The following ERC2 variants were observed in gnomAD, a reference collection of about 807,000 sequenced individuals.
ERC2 encodes ERC protein 2.
In ERC2, 42 loss-of-function variants were observed where a neutral mutation model predicts 114.8. The ratio of observed to expected loss-of-function variants is 0.37; its 90% CI spans 0.29 to 0.47. The LOEUF (loss-of-function observed/expected upper bound fraction) is 0.47, where lower values mean the gene tolerates loss of function less well. Among genes scored for constraint, ERC2 ranks in the 20% least tolerant of loss-of-function variants. ERC2 has a pLI of 0.99. For synonymous variants in ERC2, 454 were observed against 425.5 expected, an observed-to-expected ratio of 1.07 and a Z score of -0.82; for missense variants, 939 against 1,150.7, an observed-to-expected ratio of 0.82 and a Z score of 2.66.
At chr3:56,228,089 C>A (rs545425537) in intron 3 of ERC2, among the ~76,000 whole-genome samples, 1 of 152,194 alleles carries the variant, frequency 6.6e-6, no homozygotes, top group South Asian at 2.1e-4. Flanking sequence ...CTCGAGGAGA[C>A]AATACTGATG....
At position 55,797,441 on chromosome 3, in the gene ERC2, T is replaced by C. The variant is rs768054783; in HGVS notation, c.2565-62523A>G. Among the ~76,000 whole-genome samples the C allele has an allele frequency of 7.2e-5, 11 of 152,202 alleles. 1 individual carries two copies. Among genetic ancestry groups the C allele is most frequent in the South Asian group, 4.1e-4 (2 of 4,830 alleles). On this transcript the variant is annotated intron_variant, in intron 14 of 17. Transcript: ENST00000288221. ...AAGGAGCTAGGTGATCCTAGATTGA[T>C]AGCAGCTCCCTGCTCCCAGAAGAAG...
At chr3:56,387,537 C>T (rs1430298855) in intron 2 of ERC2, among the ~76,000 whole-genome samples, 1 of 152,070 alleles carries the variant, frequency 6.6e-6, no homozygotes, top group African/African-American at 2.4e-5. Flanking sequence ...CTATAAAACC[C>T]GGGATTAGGT....
chr3:56,231,876 AT>A (rs35075704), intron 3 of ERC2, among the ~76,000 whole-genome samples: 44,448 of 152,082 alleles, frequency 0.29, 8,295 homozygotes, highest in Middle Eastern at 0.42. Context: ...ATCATTCTAA[AT>A]AAATTAACTC....
intron 14 of ERC2, among the ~76,000 whole-genome samples, chr3:55,850,459 G>A (rs1156289956): frequency 6.6e-6 from 1 of 152,194 alleles, no homozygotes; most frequent in African/African-American, 2.4e-5. Flanking sequence ...TATAGAGGAA[G>A]AAGATAAAGA....
intron 17 of ERC2, among the ~76,000 whole-genome samples, chr3:55,680,729 G>A (rs777555411): frequency 2.0e-5 from 3 of 152,176 alleles, no homozygotes; most frequent in Admixed American, 6.5e-5. Flanking sequence ...AAGTGATCCC[G>A]TGGAGTCTCT....
chr3:56,462,306 T>C (rs1392213871), intron 1 of ERC2, among the ~76,000 whole-genome samples: 2 of 152,194 alleles, frequency 1.3e-5, no homozygotes, highest in Non-Finnish European at 2.9e-5. Context: ...CAGATGATCA[T>C]AGGTTAACAG....
At chr3:56,088,563 G>A (rs181931237) in intron 6 of ERC2, among the ~76,000 whole-genome samples, 112 of 152,052 alleles carry the variant, frequency 7.4e-4, no homozygotes, top group Non-Finnish European at 1.3e-3. Context: ...CAAAGCCTTG[G>A]GAAAAAGAGA....
At chr3:56,041,574 C>T (rs1389737218) in intron 7 of ERC2, among the ~76,000 whole-genome samples, 1 of 152,164 alleles carries the variant, frequency 6.6e-6, no homozygotes, top group African/African-American at 2.4e-5. Flanking sequence ...GCATTCCCTT[C>T]CCCTTTCTTC....
At chr3:55,876,129 A>G (rs1433537673) in intron 14 of ERC2, among the ~76,000 whole-genome samples, 1 of 152,226 alleles carries the variant, frequency 6.6e-6, no homozygotes, top group Non-Finnish European at 1.5e-5. Flanking sequence ...GCCCACCTCC[A>G]TGCTATTCCT....
Position 56,414,369 on chromosome 3 carries a change from C to T in ERC2, c.657+19982G>A, listed in dbSNP as rs1413733343. ...CTAGATATCCAAAACAAGGCCCTTT[C>T]CCATTTTCTGGTTCTGTGGGGGTAG... On this transcript the variant is annotated intron_variant, in intron 2 of 17. Transcript: ENST00000288221. Among the ~76,000 whole-genome samples the T allele has an allele frequency of 3.3e-5, 5 of 152,164 alleles. No homozygotes were observed. The East Asian group carries it at 7.7e-4, about 23-fold the overall frequency.
intron 3 of ERC2, among the ~76,000 whole-genome samples, chr3:56,271,685 G>T (rs189951698): frequency 1.3e-5 from 2 of 152,200 alleles, no homozygotes; most frequent in East Asian, 3.9e-4. Flanking sequence ...CAGGGGTTTG[G>T]TGTACAGATT....
chr3:56,221,070 C>G (rs1028134009), intron 3 of ERC2, among the ~76,000 whole-genome samples: 1 of 151,984 alleles, frequency 6.6e-6, no homozygotes, highest in African/African-American at 2.4e-5. Flanking sequence ...ATGAAGCAAC[C>G]TGATAGAAGT....
chr3:56,421,270 A>T (rs372198234), intron 2 of ERC2, among the ~76,000 whole-genome samples: 1 of 152,354 alleles, frequency 6.6e-6, no homozygotes, highest in South Asian at 2.1e-4. Flanking sequence ...ACTAGAACTA[A>T]GGCAAGCTTC....
At chr3:55,891,267 T>C (rs940361148) in intron 13 of ERC2, among the ~76,000 whole-genome samples, 3 of 152,040 alleles carry the variant, frequency 2.0e-5, no homozygotes, top group Non-Finnish European at 4.4e-5. Flanking sequence ...GAAGCAAGTT[T>C]CAGATGACAT....
intron 2 of ERC2, among the ~76,000 whole-genome samples, chr3:56,433,157 C>T (rs1469360766): frequency 2.9e-5 from 4 of 139,842 alleles, no homozygotes; most frequent in African/African-American, 1.1e-4. Context: ...CCAGCCTGAG[C>T]AACAGCAAGA....
intron 3 of ERC2, among the ~76,000 whole-genome samples, chr3:56,205,433 A>G (rs79159539): frequency 0.014 from 2,128 of 152,244 alleles, 54 homozygotes; most frequent in African/African-American, 0.048. Flanking sequence ...GCAGGACCCC[A>G]ATTACTCTAG....
At chr3:55,924,171 T>C (rs1161298053) in intron 13 of ERC2, among the ~76,000 whole-genome samples, 2 of 152,068 alleles carry the variant, frequency 1.3e-5, no homozygotes, top group Non-Finnish European at 2.9e-5. Flanking sequence ...CTAGTACATA[T>C]AATATACTGG....
chr3:56,393,997 T>C (rs2060218149), intron 2 of ERC2, among the ~76,000 whole-genome samples: 1 of 152,120 alleles, frequency 6.6e-6, no homozygotes, highest in Admixed American at 6.5e-5. Context: ...CTCCATCCAG[T>C]GGCCTCTGAC....
At position 55,808,657 on chromosome 3, in the gene ERC2, G is replaced by T. The variant is rs201817717; in HGVS notation, c.2565-73739C>A. Among the ~76,000 whole-genome samples the T allele has an allele frequency of 6.6e-5, 9 of 136,046 alleles. No homozygotes were observed. The East Asian group carries it at 2.0e-3, about 31-fold the overall frequency. 89.3% of individuals were successfully genotyped at this position (136,046 alleles called of 152,430 possible). ...AAATTTTGACTCAGAGAGGGTAAAT[G>T]TTCAAGGTCAAAAAACAAAATAATA... On this transcript the variant is annotated intron_variant, in intron 14 of 17. Coordinates refer to ENST00000288221, the MANE Select transcript of ERC2 (RefSeq NM_015576.3).
Sources: gnomAD v4.1 joint callset for allele counts (sites outside exome capture counted in the v4.1 genomes callset) on GRCh38, gnomAD v4.1.1 for gene constraint, MANE v1.5 for transcripts, NCBI Gene and HGNC (gene_info 2026-07-23, HGNC 2026-07-21) for gene names.